KIFAP3: variants seen among roughly 807,000 people sequenced by gnomAD.
KIFAP3 encodes the protein kinesin-associated protein 3.
A neutral mutation model predicts 106.5 loss-of-function variants in KIFAP3; 68 were observed. The ratio of observed to expected loss-of-function variants is 0.64; its 90% confidence interval spans 0.53 to 0.78. KIFAP3 has a LOEUF of 0.78. Ranked by LOEUF, KIFAP3 falls within the 30% of genes least tolerant of loss-of-function variation. The pLI, the probability that KIFAP3 is intolerant of heterozygous loss-of-function variation, is 0.00. For missense variants in KIFAP3, 780 were observed against 941.8 expected, an observed-to-expected ratio of 0.83 and a Z score of 2.25; for synonymous variants, 320 against 311.5, an observed-to-expected ratio of 1.03 and a Z score of -0.29.
intron 17 of KIFAP3, among the ~76,000 whole-genome samples, chr1:169,963,407 A>G (rs116341226): frequency 0.018 from 2,795 of 152,296 alleles, 72 homozygotes; most frequent in African/African-American, 0.063. Flanking sequence ...CAGTGCTGCA[A>G]TGAACATGCA....
chr1:170,003,270 T>G (rs979059501), intron 10 of KIFAP3, among the ~76,000 whole-genome samples: 2 of 152,206 alleles, frequency 1.3e-5, no homozygotes, highest in Non-Finnish European at 2.9e-5. Flanking sequence ...AGACCAAGTA[T>G]TGCTCTGTGG....
intron 11 of KIFAP3, among the ~76,000 whole-genome samples, chr1:169,989,890 T>C (rs1158972681): frequency 6.6e-6 from 1 of 152,090 alleles, no homozygotes; most frequent in Non-Finnish European, 1.5e-5. Context: ...TAAAAAGTTA[T>C]GGTCTATTTT....
intron 19 of KIFAP3, among the ~76,000 whole-genome samples, chr1:169,929,324 A>G (rs1663328446): frequency 6.6e-6 from 1 of 152,192 alleles, no homozygotes. Flanking sequence ...TGGGTGCCTA[A>G]GAAAATAGAT....
chr1:169,952,851 A>G (rs1016843470), intron 19 of KIFAP3, among the ~76,000 whole-genome samples: 1 of 152,172 alleles, frequency 6.6e-6, no homozygotes, highest in Admixed American at 6.5e-5. Context: ...TGAAATTATA[A>G]TTAGTATTAA....
chr1:170,021,960 T>C (rs1351718327), intron 9 of KIFAP3, among the ~76,000 whole-genome samples: 2 of 135,314 alleles, frequency 1.5e-5, no homozygotes, highest in Admixed American at 1.4e-4. Context: ...TTTTTTTTTT[T>C]TTTTTTTGAG....
At chr1:170,029,025 T>C (rs921145554) in intron 8 of KIFAP3, among the ~76,000 whole-genome samples, 1 of 151,980 alleles carries the variant, frequency 6.6e-6, no homozygotes, top group Non-Finnish European at 1.5e-5. Context: ...TAGACATAAA[T>C]ATATTAAAAA....
chr1:170,058,273 AG>A (rs1670952488), intron 1 of KIFAP3, among the ~76,000 whole-genome samples: 2 of 152,204 alleles, frequency 1.3e-5, no homozygotes, highest in Admixed American at 1.3e-4. Flanking sequence ...TCTTTTCAAA[AG>A]GATTTACTGC....
intron 2 of KIFAP3, among the ~76,000 whole-genome samples, chr1:170,049,126 C>T (rs899074527): frequency 3.3e-5 from 5 of 152,114 alleles, no homozygotes; most frequent in Admixed American, 6.5e-5. Flanking sequence ...CTGGGATGAT[C>T]GAGCTTGGTT....
At chr1:170,029,533 A>G (rs1669288026) in intron 8 of KIFAP3, among the ~76,000 whole-genome samples, 1 of 152,044 alleles carries the variant, frequency 6.6e-6, no homozygotes, top group South Asian at 2.1e-4. Flanking sequence ...ATAGCACTAA[A>G]TATCTGTATT....
intron 10 of KIFAP3, among the ~76,000 whole-genome samples, chr1:170,006,844 C>T (rs1667990898): frequency 6.6e-6 from 1 of 152,038 alleles, no homozygotes; most frequent in South Asian, 2.1e-4. Flanking sequence ...ATTTCTATTG[C>T]TATTTAGAAG....
intron 18 of KIFAP3, 82 bp downstream of exon 18, chr1:169,960,964 G>A: frequency 9.9e-7 from 1 of 1,012,660 alleles, no homozygotes; most frequent in East Asian, 2.5e-5. Context: ...TGCTTATTAA[G>A]CTTGGGAATG....
In KIFAP3 at chr1:170,059,580, C is replaced by G. The variant is rs574162618; in HGVS notation, c.33-4144G>C. 7.9e-4 allele frequency among the ~76,000 whole-genome samples: 121 copies of G among 152,206 alleles called. 1 individual carries two copies. The Middle Eastern group carries it at 0.014, about 17-fold the overall frequency. On this transcript the variant is annotated intron_variant, in intron 1 of 19. Coordinates refer to ENST00000361580, the MANE Select transcript of KIFAP3 (RefSeq NM_014970.4). ...AGATGGATTCACAGCCGAATTCTAC[C>G]AGAGGTACAAGGAGGAACTGGTACC...
chr1:169,974,942 C>A (rs1666149800), intron 16 of KIFAP3, among the ~76,000 whole-genome samples: 1 of 152,030 alleles, frequency 6.6e-6, no homozygotes, highest in Non-Finnish European at 1.5e-5. Context: ...ATGCTTAAGT[C>A]TCTAATATAA....
intron 10 of KIFAP3, among the ~76,000 whole-genome samples, chr1:170,006,615 A>G (rs1329943123): frequency 6.6e-6 from 1 of 152,160 alleles, no homozygotes; most frequent in Non-Finnish European, 1.5e-5. Context: ...CACAGGAGGG[A>G]AAGAGAAGGG....
chr1:170,023,442 C>T (rs1668955490), intron 9 of KIFAP3, among the ~76,000 whole-genome samples: 1 of 151,962 alleles, frequency 6.6e-6, no homozygotes, highest in African/African-American at 2.4e-5. Flanking sequence ...TACACAGCCA[C>T]ATAATGATAC....
At position 169,966,601 on chromosome 1, in the gene KIFAP3, T is replaced by C. The variant is rs1303404115; in HGVS notation, c.1984-5366A>G. ...ATGATTATAAAAGTAATATTTTCAT[T>C]GTTGAAAATGGAAAATTACAGGAAA... On this transcript the variant is annotated intron_variant, in intron 17 of 19. Transcript: ENST00000361580. Among the ~76,000 whole-genome samples, 4 of 151,828 alleles carry C rather than the reference T, an allele frequency of 2.6e-5. No homozygotes were observed. The East Asian group carries it at 7.7e-4, about 29-fold the overall frequency.
At chr1:170,024,885 G>A (rs913164313) in intron 8 of KIFAP3, among the ~76,000 whole-genome samples, 3 of 151,980 alleles carry the variant, frequency 2.0e-5, no homozygotes, top group Non-Finnish European at 4.4e-5. Flanking sequence ...TGCCCTCTTG[G>A]AGCTTAGAGT....
intron 10 of KIFAP3, among the ~76,000 whole-genome samples, chr1:169,999,469 T>G (rs1404922720): frequency 1.3e-5 from 2 of 152,206 alleles, no homozygotes; most frequent in Admixed American, 6.5e-5. Flanking sequence ...GACTGTGAAT[T>G]TTAAGCAAGG....
At chr1:169,961,276 C>T in intron 17 of KIFAP3, 41 bp from the exon 18 acceptor site, 1 of 1,511,058 alleles carries the variant, frequency 6.6e-7, no homozygotes, top group Non-Finnish European at 9.1e-7. Context: ...TATAAGCTAA[C>T]TCACTTGGCA....
Sources: gnomAD v4.1 joint callset for allele counts (sites outside exome capture counted in the v4.1 genomes callset) on GRCh38, gnomAD v4.1.1 for gene constraint, MANE v1.5 for transcripts, NCBI Gene and HGNC (gene_info 2026-07-23, HGNC 2026-07-21) for gene names.